The following SAXO1 variants were observed in gnomAD, a reference collection of about 807,000 sequenced individuals.
SAXO1 encodes 4930500O09Rik.
A neutral mutation model predicts 17.5 loss-of-function variants in SAXO1; 21 were observed. That is an observed-to-expected ratio of 1.20 (90% CI 0.85 to 1.72). The LOEUF (loss-of-function observed/expected upper bound fraction) is 1.72, where lower values mean the gene tolerates loss of function less well. Ranked by LOEUF, SAXO1 falls within the 40% of genes most tolerant of loss-of-function variation. The pLI is 0.00. For missense variants in SAXO1, 843 were observed against 596.0 expected, an observed-to-expected ratio of 1.41 and a Z score of -4.32; for synonymous variants, 274 against 216.5, an observed-to-expected ratio of 1.27 and a Z score of -2.33.
At chr9:19,002,639 A>G (rs1339513122) in intron 1 of SAXO1, among the ~76,000 whole-genome samples, 1 of 152,236 alleles carries the variant, frequency 6.6e-6, no homozygotes, top group Non-Finnish European at 1.5e-5. Context: ...CCAAAGACAA[A>G]AACCACATGA....
chr9:18,978,503 C>G (rs1318393550), intron 1 of SAXO1, among the ~76,000 whole-genome samples: 8 of 152,190 alleles, frequency 5.3e-5, no homozygotes, highest in Non-Finnish European at 1.2e-4. Context: ...GTCAAGTAAT[C>G]TTCTGCTTTA....
intron 1 of SAXO1, among the ~76,000 whole-genome samples, chr9:19,017,126 T>C (rs1382754845): frequency 2.0e-5 from 3 of 151,484 alleles, no homozygotes; most frequent in African/African-American, 7.3e-5. Context: ...CTGGACAACA[T>C]AGTGAGAACT....
At chr9:19,043,774 A>C (rs1330443713) in intron 1 of SAXO1, among the ~76,000 whole-genome samples, 1 of 152,098 alleles carries the variant, frequency 6.6e-6, no homozygotes, top group African/African-American at 2.4e-5. Context: ...TCTCGAAAAA[A>C]AAAAAGACCT....
intron 1 of SAXO1, among the ~76,000 whole-genome samples, chr9:18,986,959 T>A (rs960770400): frequency 6.6e-6 from 1 of 152,230 alleles, no homozygotes; most frequent in Non-Finnish European, 1.5e-5. Flanking sequence ...AGACTTCATG[T>A]GGGCTAGCTG....
At chr9:18,992,001 G>A (rs1204781458) in intron 1 of SAXO1, among the ~76,000 whole-genome samples, 2 of 152,304 alleles carry the variant, frequency 1.3e-5, no homozygotes, top group Non-Finnish European at 2.9e-5. Flanking sequence ...TTGAATGAAT[G>A]CTATTTTTTA....
At chr9:19,024,707 T>A (rs1173307701) in intron 1 of SAXO1, among the ~76,000 whole-genome samples, 4 of 151,996 alleles carry the variant, frequency 2.6e-5, no homozygotes, top group Non-Finnish European at 5.9e-5. Context: ...GGCTACCCCA[T>A]CCCAAAGCGC....
chr9:19,023,545 C>A (rs534932817), intron 1 of SAXO1, among the ~76,000 whole-genome samples: 1 of 152,212 alleles, frequency 6.6e-6, no homozygotes, highest in South Asian at 2.1e-4. Flanking sequence ...GGGATTTGAA[C>A]CAAGATAGGC....
At chr9:18,980,477 C>A (rs576531185) in intron 1 of SAXO1, among the ~76,000 whole-genome samples, 64 of 143,372 alleles carry the variant, frequency 4.5e-4, no homozygotes, top group Non-Finnish European at 7.7e-4. Context: ...CTAAGGAAGG[C>A]CTTGCCAAAA....
At chr9:18,952,181 G>T (rs1404997210) in intron 1 of SAXO1, among the ~76,000 whole-genome samples, 3 of 152,120 alleles carry the variant, frequency 2.0e-5, no homozygotes, top group Non-Finnish European at 4.4e-5. Context: ...TCCAGCTGGG[G>T]TCCCTCTCAT....
At chr9:18,952,984 G>A (rs142075797) in intron 1 of SAXO1, among the ~76,000 whole-genome samples, 4 of 152,224 alleles carry the variant, frequency 2.6e-5, no homozygotes, top group East Asian at 1.9e-4. Context: ...ATGACCCATC[G>A]CCCACAGCGG....
intron 1 of SAXO1, among the ~76,000 whole-genome samples, chr9:19,000,210 G>A (rs546489277): frequency 1.8e-4 from 26 of 147,746 alleles, no homozygotes; most frequent in African/African-American, 6.3e-4. Flanking sequence ...CCACCCGGTC[G>A]CCCAAATGAC....
chr9:19,022,693 C>T (rs565713189), intron 1 of SAXO1, among the ~76,000 whole-genome samples: 1 of 152,166 alleles, frequency 6.6e-6, no homozygotes, highest in East Asian at 1.9e-4. Flanking sequence ...ACATTACAAC[C>T]CCAATTTGTT....
intron 1 of SAXO1, among the ~76,000 whole-genome samples, chr9:18,965,212 CT>C (rs751257359): frequency 1.3e-5 from 2 of 152,148 alleles, no homozygotes; most frequent in Non-Finnish European, 2.9e-5. Flanking sequence ...TGATGTGGTG[CT>C]GAGAAGAATG....
intron 3 of SAXO1, among the ~76,000 whole-genome samples, chr9:18,940,550 T>G (rs1485903109): frequency 6.6e-6 from 1 of 152,148 alleles, no homozygotes; most frequent in African/African-American, 2.4e-5. Flanking sequence ...ACCACCCTCT[T>G]CACCCTAAAT....
chr9:18,943,930 C>A (rs1831685370), intron 2 of SAXO1, among the ~76,000 whole-genome samples: 1 of 152,222 alleles, frequency 6.6e-6, no homozygotes, highest in African/African-American at 2.4e-5. Context: ...AGAGGACCAG[C>A]TTCCTCTCAG....
intron 1 of SAXO1, among the ~76,000 whole-genome samples, chr9:18,988,271 T>G (rs1401664034): frequency 6.6e-6 from 1 of 152,228 alleles, no homozygotes; most frequent in Non-Finnish European, 1.5e-5. Flanking sequence ...AGTGTCCTAC[T>G]CTTCAAAAAG....
intron 2 of SAXO1, among the ~76,000 whole-genome samples, chr9:18,948,158 T>C (rs1177401390): frequency 6.6e-6 from 1 of 152,140 alleles, no homozygotes; most frequent in South Asian, 2.1e-4. Flanking sequence ...CCTGTAAGCC[T>C]CTAGGGGAAC....
At chr9:18,959,813 C>G (rs918248441) in intron 1 of SAXO1, among the ~76,000 whole-genome samples, 10 of 151,572 alleles carry the variant, frequency 6.6e-5, no homozygotes, top group Admixed American at 5.3e-4. Flanking sequence ...ACAGCGTACT[C>G]TAGGGAGTGT....
intron 1 of SAXO1, among the ~76,000 whole-genome samples, chr9:18,999,493 C>T (rs1269823658): frequency 6.6e-6 from 1 of 151,528 alleles, no homozygotes; most frequent in Non-Finnish European, 1.5e-5. Flanking sequence ...GCCCGGCCGC[C>T]CCACCATCTG....
Sources: allele counts gnomAD v4.1 joint callset (sites outside exome capture counted in the v4.1 genomes callset), GRCh38; gene constraint gnomAD v4.1.1; transcripts MANE v1.5; gene names NCBI Gene and HGNC (gene_info 2026-07-23, HGNC 2026-07-21).